Variants in ESR1 observed in about 807,000 individuals in gnomAD.
ESR1 encodes estrogen receptor 1.
ESR1 carries 12 observed loss-of-function variants against 52.7 expected under a neutral mutation model. That is an observed-to-expected ratio of 0.23 (90% confidence interval 0.15 to 0.37). The LOEUF (loss-of-function observed/expected upper bound fraction) is 0.37, where lower values mean the gene tolerates loss of function less well. ESR1 is among the 10% of genes least tolerant of loss of function. The probability of loss-of-function intolerance (pLI) is 1.00; values close to 1 mark genes in which losing one functional copy is unlikely to be tolerated. For missense variants in ESR1, 584 were observed against 779.7 expected, an observed-to-expected ratio of 0.75 and a Z score of 2.99; for synonymous variants, 305 against 316.8, an observed-to-expected ratio of 0.96 and a Z score of 0.39.
chr6:151,923,516 C>G lies in ESR1; in HGVS notation c.761-20657C>G, dbSNP rs544633518. Among the ~76,000 whole-genome samples, 10 of 152,236 alleles carry G rather than the reference C, an allele frequency of 6.6e-5. No individual in the cohort carries two copies. In the East Asian group the frequency reaches 1.5e-3, roughly 23 times the overall value. On this transcript the variant is annotated intron_variant, in intron 3 of 7. Coordinates refer to ENST00000206249, the MANE Select transcript of ESR1 (RefSeq NM_000125.4). ...CTTCCCACCTTGAACTCCTGACAAC[C>G]CCTGGTCTGTTTAATATCTTTCTTT...
intron 4 of ESR1, among the ~76,000 whole-genome samples, chr6:151,985,762 C>T (rs942505186): frequency 2.6e-5 from 4 of 151,926 alleles, no homozygotes; most frequent in Admixed American, 6.5e-5. Flanking sequence ...CCGCCTCCTG[C>T]GTTCAAGCGA....
rs1180207041 is a variant in ESR1, at chr6:152,048,361, C to CAA, written c.1236-12609_1236-12608dup. On this transcript the variant is annotated intron_variant, in intron 5 of 7. Transcript: ENST00000206249. ...CTGGAGACAAAGTGTGACACCATCT[C>CAA]AAAAAAAAAAAAAAAAAAAAAAGTC... is the stretch of plus-strand genomic sequence containing the variant. 5.6e-3 allele frequency among the ~76,000 whole-genome samples: 351 copies of CAA among 62,130 alleles called. 3 individuals are homozygous for CAA. The highest frequency in any genetic ancestry group is 0.023 in the African/African-American group (325 of 14,442). 40.8% of individuals were successfully genotyped at this position (62,130 alleles called of 152,430 possible). A position where few individuals can be genotyped will look rare whatever the true frequency, so the allele number is the denominator to read the frequency against.
At chr6:152,127,957 T>C (rs1399979497) in exon 7 of ESR1, 1 of 152,182 alleles carries the variant, frequency 6.6e-6, no homozygotes, top group East Asian at 1.9e-4. Context: ...TAGTTCTCTG[T>C]AAAGAAGGTG....
intron 2 of ESR1, among the ~76,000 whole-genome samples, chr6:151,743,554 G>A (rs1226169862): frequency 6.6e-6 from 1 of 152,150 alleles, no homozygotes; most frequent in Admixed American, 6.5e-5. Flanking sequence ...TCCTAAAACT[G>A]AGTTCAAGCA....
chr6:151,803,024 G>A (rs1241979948), upstream of ESR1, among the ~76,000 whole-genome samples: 8 of 151,778 alleles, frequency 5.3e-5, no homozygotes, highest in African/African-American at 1.9e-4. Context: ...AATGTCACAT[G>A]GAAAGTTAAC....
At chr6:151,825,412 T>C (rs1000855698) in intron 1 of ESR1, among the ~76,000 whole-genome samples, 6 of 152,166 alleles carry the variant, frequency 3.9e-5, no homozygotes, top group Non-Finnish European at 7.3e-5. Flanking sequence ...CCAGAAATTA[T>C]TGGAATATAG....
chr6:151,964,030 T>A (rs1437748735), intron 4 of ESR1, among the ~76,000 whole-genome samples: 3 of 152,192 alleles, frequency 2.0e-5, no homozygotes, highest in Non-Finnish European at 4.4e-5. Context: ...TTAATTCATG[T>A]GTCTGTTTTT....
chr6:152,056,174 C>T (rs1161516661), intron 5 of ESR1, among the ~76,000 whole-genome samples: 1 of 152,202 alleles, frequency 6.6e-6, no homozygotes, highest in Non-Finnish European at 1.5e-5. Flanking sequence ...TACTTCAGAG[C>T]TGCATATGTA....
intron 5 of ESR1, among the ~76,000 whole-genome samples, chr6:152,044,699 A>G (rs968302705): frequency 1.3e-5 from 2 of 152,180 alleles, no homozygotes; most frequent in African/African-American, 4.8e-5. Context: ...CAGGAGAAAG[A>G]TGGAAGCCGG....
At chr6:151,788,657 G>A (rs1004400397) in intron 2 of ESR1, among the ~76,000 whole-genome samples, 1 of 152,132 alleles carries the variant, frequency 6.6e-6, no homozygotes, top group African/African-American at 2.4e-5. Context: ...ACATGCATAT[G>A]TTCATTGCAG....
At chr6:152,114,628 A>G (rs2051184568) in intron 6 of ESR1, among the ~76,000 whole-genome samples, 1 of 152,136 alleles carries the variant, frequency 6.6e-6, no homozygotes, top group South Asian at 2.1e-4. Flanking sequence ...GCGGTGGCTC[A>G]CGCCTGTAAT....
At chr6:152,106,832 C>T (rs968445509), downstream of ESR1, among the ~76,000 whole-genome samples, 2 of 152,130 alleles carry the variant, frequency 1.3e-5, no homozygotes, top group East Asian at 3.9e-4. Flanking sequence ...TCTTGAACTC[C>T]TGGGCTCCAG....
intron 4 of ESR1, among the ~76,000 whole-genome samples, chr6:151,945,516 T>C (rs2035596944): frequency 6.6e-6 from 1 of 152,184 alleles, no homozygotes; most frequent in Admixed American, 6.5e-5. Context: ...CAAGTTTGTA[T>C]GGCAACAAGA....
chr6:151,905,107 A>G (rs1329400595), intron 3 of ESR1, among the ~76,000 whole-genome samples: 2 of 152,218 alleles, frequency 1.3e-5, no homozygotes, highest in Non-Finnish European at 2.9e-5. Flanking sequence ...GGAATATTTA[A>G]AAAATAAAAA....
rs577427406 is a variant in ESR1, at chr6:151,829,211, T to C, written c.453-13386T>C. On this transcript the variant is annotated intron_variant, in intron 1 of 7. Coordinates refer to ENST00000206249, the MANE Select transcript of ESR1 (RefSeq NM_000125.4). ...ATGTGTGCTAACCTAGGCAATGTCA[T>C]AATAGATGAATTATGTTTACTTTGT... Among the ~76,000 whole-genome samples the C allele has an allele frequency of 5.3e-5, 8 of 152,368 alleles. No homozygotes were observed. In the South Asian group the frequency reaches 1.7e-3, roughly 32 times the overall value.
intron 1 of ESR1, among the ~76,000 whole-genome samples, chr6:151,834,464 T>C (rs1341421423): frequency 1.3e-5 from 2 of 152,092 alleles, no homozygotes; most frequent in East Asian, 1.9e-4. Flanking sequence ...AACCACACAC[T>C]GCATGTTCTC....
intron 2 of ESR1, among the ~76,000 whole-genome samples, chr6:151,759,361 T>C (rs772704079): frequency 6.6e-6 from 1 of 152,038 alleles, no homozygotes; most frequent in Non-Finnish European, 1.5e-5. Flanking sequence ...TGCTGATCTA[T>C]TAAAATTATG....
At chr6:151,680,057 G>C (rs1237402739) in intron 1 of ESR1, among the ~76,000 whole-genome samples, 1 of 152,142 alleles carries the variant, frequency 6.6e-6, no homozygotes, top group Non-Finnish European at 1.5e-5. Context: ...TGCTTCAACA[G>C]ATACCATAAA....
intron 4 of ESR1, among the ~76,000 whole-genome samples, chr6:151,972,960 C>T (rs1211085525): frequency 6.6e-6 from 1 of 152,198 alleles, no homozygotes; most frequent in African/African-American, 2.4e-5. Context: ...GGCCAGAAGA[C>T]TAAACCAGTC....
Sources: gnomAD v4.1 joint callset for allele counts (sites outside exome capture counted in the v4.1 genomes callset) on GRCh38, gnomAD v4.1.1 for gene constraint, MANE v1.5 for transcripts, NCBI Gene and HGNC (gene_info 2026-07-23, HGNC 2026-07-21) for gene names.